The following SLC4A7 variants were observed in gnomAD, a reference collection of about 807,000 sequenced individuals.
SLC4A7 encodes solute carrier family 4 member 7, also known as sodium bicarbonate cotransporter 3.
A neutral mutation model predicts 137.6 loss-of-function variants in SLC4A7; 51 were observed. The ratio of observed to expected loss-of-function variants is 0.37; its 90% CI spans 0.30 to 0.47. The LOEUF (loss-of-function observed/expected upper bound fraction) is 0.47. Among genes scored for constraint, SLC4A7 ranks in the 20% least tolerant of loss-of-function variants. SLC4A7 has a pLI of 1.00. For synonymous variants in SLC4A7, 542 were observed against 518.6 expected, an observed-to-expected ratio of 1.05 and a Z score of -0.61; for missense variants, 1,247 against 1,525.4, an observed-to-expected ratio of 0.82 and a Z score of 3.04.
chr3:27,392,275 T>C (rs1051999686), intron 20 of SLC4A7, among the ~76,000 whole-genome samples: 3 of 152,104 alleles, frequency 2.0e-5, no homozygotes, highest in Admixed American at 6.5e-5. Context: ...CAAAATAAAA[T>C]CCTTACTACT....
intron 3 of SLC4A7, among the ~76,000 whole-genome samples, chr3:27,438,002 G>A (rs1295667165): frequency 1.3e-5 from 2 of 152,076 alleles, no homozygotes; most frequent in African/African-American, 4.8e-5. Flanking sequence ...CTCGAGACCA[G>A]CCTAGCCAAC....
intron 1 of SLC4A7, among the ~76,000 whole-genome samples, chr3:27,480,800 T>C (rs958363026): frequency 1.3e-5 from 2 of 152,180 alleles, no homozygotes; most frequent in African/African-American, 4.8e-5. Flanking sequence ...TATTTTTTTT[T>C]AATTTCTTAC....
At chr3:27,440,356 T>C (rs1206174736) in intron 3 of SLC4A7, among the ~76,000 whole-genome samples, 1 of 152,148 alleles carries the variant, frequency 6.6e-6, no homozygotes, top group Non-Finnish European at 1.5e-5. Flanking sequence ...AGTCTGATCG[T>C]CTGACCTCCT....
At chr3:27,377,548 A>G (rs2050020133) in intron 25 of SLC4A7, among the ~76,000 whole-genome samples, 1 of 152,132 alleles carries the variant, frequency 6.6e-6, no homozygotes, top group African/African-American at 2.4e-5. Context: ...ATGCACCACC[A>G]TGCCCAGCTA....
chr3:27,428,771 G>C (rs2055929912), intron 7 of SLC4A7, among the ~76,000 whole-genome samples: 1 of 152,144 alleles, frequency 6.6e-6, no homozygotes, highest in Non-Finnish European at 1.5e-5. Flanking sequence ...GCTGGATGTT[G>C]TATTTTGGAG....
chr3:27,458,979 A>G (rs1049769534), intron 1 of SLC4A7, among the ~76,000 whole-genome samples: 1 of 152,188 alleles, frequency 6.6e-6, no homozygotes, highest in African/African-American at 2.4e-5. Flanking sequence ...TGGACAACAG[A>G]GCGAGATTCC....
intron 1 of SLC4A7, among the ~76,000 whole-genome samples, chr3:27,473,634 G>A (rs1019006455): frequency 6.6e-6 from 1 of 151,002 alleles, no homozygotes; most frequent in Admixed American, 6.6e-5. Flanking sequence ...TTTGAGCCCG[G>A]GGGGTGGAGG....
At chr3:27,477,897 G>A (rs1047244116) in intron 1 of SLC4A7, among the ~76,000 whole-genome samples, 2 of 152,166 alleles carry the variant, frequency 1.3e-5, no homozygotes, top group African/African-American at 4.8e-5. Flanking sequence ...TTACAGGCAT[G>A]AGCCACCGCG....
At chr3:27,480,766 G>A (rs1028658651) in intron 1 of SLC4A7, among the ~76,000 whole-genome samples, 21 of 151,996 alleles carry the variant, frequency 1.4e-4, no homozygotes, top group Non-Finnish European at 2.4e-4. Context: ...TGGGTTGTCC[G>A]GGTCTGTCAT....
chr3:27,403,113 T>C, intron 15 of SLC4A7, 26 bp downstream of exon 15: 1 of 1,579,244 alleles, frequency 6.3e-7, no homozygotes, highest in Non-Finnish European at 8.6e-7. Flanking sequence ...CACATTTTAA[T>C]ATTAGGAGAA....
At chr3:27,447,354 A>G (rs945938089) in intron 3 of SLC4A7, among the ~76,000 whole-genome samples, 2 of 152,198 alleles carry the variant, frequency 1.3e-5, no homozygotes, top group African/African-American at 4.8e-5. Context: ...GAATGTTTAG[A>G]CACAGAATTT....
chr3:27,449,053 TTTTG>T lies in SLC4A7; in HGVS notation c.143-260_143-257del, dbSNP rs1401305303. Among the ~76,000 whole-genome samples the T allele has an allele frequency of 5.3e-5, 8 of 151,892 alleles. No individual in the cohort carries two copies. The South Asian group carries it at 1.0e-3, about 20-fold the overall frequency. On this transcript the variant is annotated intron_variant, in intron 2 of 25. Transcript: ENST00000454389. ...TGCACATCTAAAAAGATATCTTTTT[TTTTG>T]TTTTGTTTTTGTTTTTGTATTTTTA...
chr3:27,409,286 G>A (rs757178173), intron 13 of SLC4A7, 70 bp downstream of exon 13: 4 of 1,197,780 alleles, frequency 3.3e-6, no homozygotes, highest in Non-Finnish European at 4.7e-6. Flanking sequence ...TATGAATAGT[G>A]AGACAAATGC....
Position 27,398,493 on chromosome 3 carries a change from G to C in SLC4A7, c.2428-140C>G, listed in dbSNP as rs527270832. ...GTATTCCTTATAAAGAAAAAACATT[G>C]TCCAGCCAACTATAACACACTAACA... On this transcript the variant is annotated intron_variant, in intron 16 of 25. Coordinates refer to ENST00000454389, the MANE Select transcript of SLC4A7 (RefSeq NM_001321103.2). 78 of 631,996 alleles carry C rather than the reference G, an allele frequency of 1.2e-4. No homozygotes were observed. The African/African-American group carries it at 1.4e-3, about 11-fold the overall frequency. The allele number at this position is 631,996 out of a possible 1,614,324, so 39.1% of individuals were successfully genotyped here.
At chr3:27,395,306 T>A (rs36055621) in intron 18 of SLC4A7, among the ~76,000 whole-genome samples, 191 bp from the exon 19 acceptor site, 1 of 152,026 alleles carries the variant, frequency 6.6e-6, no homozygotes, top group African/African-American at 2.4e-5. Context: ...ATACCTCCTG[T>A]CATTTGACTC....
intron 7 of SLC4A7, among the ~76,000 whole-genome samples, chr3:27,430,301 G>GCA (rs35445003): frequency 0.19 from 28,553 of 149,104 alleles, 3,039 homozygotes; most frequent in Non-Finnish European, 0.26. Flanking sequence ...TGAACTGCAT[G>GCA]CACACACACA....
At chr3:27,460,571 G>C (rs1023431063) in intron 1 of SLC4A7, among the ~76,000 whole-genome samples, 1 of 152,136 alleles carries the variant, frequency 6.6e-6, no homozygotes, top group Non-Finnish European at 1.5e-5. Flanking sequence ...AAACGCTAAA[G>C]TAAAGTAGAT....
At chr3:27,431,222 A>G in intron 7 of SLC4A7, 76 bp downstream of exon 7, 1 of 1,428,068 alleles carries the variant, frequency 7.0e-7, no homozygotes, top group Non-Finnish European at 9.4e-7. Flanking sequence ...TGCTTAAGCT[A>G]TGTGCTAAAA....
At chr3:27,426,637 G>A (rs922501185) in intron 7 of SLC4A7, among the ~76,000 whole-genome samples, 3 of 152,176 alleles carry the variant, frequency 2.0e-5, no homozygotes. Context: ...CCAGCAATGA[G>A]AAGAAGAAAT....
Sources: gnomAD v4.1 joint callset for allele counts (sites outside exome capture counted in the v4.1 genomes callset) on GRCh38, gnomAD v4.1.1 for gene constraint, MANE v1.5 for transcripts, NCBI Gene and HGNC (gene_info 2026-07-23, HGNC 2026-07-21) for gene names.